Variants in HEATR1 observed in about 807,000 individuals in gnomAD.
HEATR1 encodes the protein HEAT repeat-containing protein 1.
Under a neutral mutation model 248.2 loss-of-function variants are expected in HEATR1, and 77 were observed. That is an observed-to-expected ratio of 0.31 (90% CI 0.26 to 0.37). HEATR1 has a LOEUF of 0.37. HEATR1 is among the 10% of genes least tolerant of loss of function. HEATR1 has a pLI of 1.00. For missense variants in HEATR1, 2,420 were observed against 2,504.9 expected, an observed-to-expected ratio of 0.97 and a Z score of 0.72; for synonymous variants, 897 against 923.1, an observed-to-expected ratio of 0.97 and a Z score of 0.51.
chr1:236,565,371 G>C (rs1420264414), intron 31 of HEATR1, among the ~76,000 whole-genome samples: 3 of 152,162 alleles, frequency 2.0e-5, no homozygotes, highest in African/African-American at 7.2e-5. Flanking sequence ...TGCTCAGGCT[G>C]GTCTTGAACT....
rs779807888 is a variant in HEATR1 at position 236,571,491 on chromosome 1, CA to C, written c.3827-20del. 12 of 1,613,224 alleles carry C rather than the reference CA, an allele frequency of 7.4e-6. No homozygotes were observed. The East Asian group carries it at 2.7e-4, about 36-fold the overall frequency. On this transcript the variant is annotated intron_variant, in intron 27 of 44. Coordinates refer to ENST00000366582, the MANE Select transcript of HEATR1 (RefSeq NM_018072.6). ...AAAATATCTACAATGGTGAGAAAGA[CA>C]AAAACCCTAAGTGGCAGGTACACTC... is the stretch of plus-strand genomic sequence containing the variant.
Position 236,604,405 on chromosome 1 carries a change from G to A in HEATR1, c.-33+17C>T. ...GCCCCCATCCGCAGCCACATCAAGC[G>A]GCTCTGTGCCGCTTACCTGGAACTG... On this transcript the variant is annotated intron_variant, in intron 1 of 44. Coordinates refer to ENST00000366582, the MANE Select transcript of HEATR1 (RefSeq NM_018072.6). 1 of 262,514 alleles carries A rather than the reference G, an allele frequency of 3.8e-6. No individual in the cohort carries two copies. Among genetic ancestry groups the A allele is most frequent in the Non-Finnish European group, 7.1e-6 (1 of 141,294 alleles). The allele number at this position is 262,514 out of a possible 1,614,324, so 16.3% of individuals were successfully genotyped here.
chr1:236,590,929 A>G lies in HEATR1; in HGVS notation c.1448T>C (p.Leu483Ser). ...YQFLADSDTS[L>S]MLSLNHPLAP... is the part of the protein sequence containing the mutation. ...AAGTGGATGATTCAGGCTGAGCATC[A>G]AAGAAGTATCAGAATCTGCTAAAAA... is the stretch of plus-strand genomic sequence containing the variant. The change falls in exon 12 of 45, where the codon TTG becomes TCG. Residue 483 changes from leucine (L) to serine (S), a missense_variant. Physicochemically the swap from Leu to Ser is moderately radical, Grantham distance 145. Transcript: ENST00000366582. 6.7e-7 allele frequency: 1 copy of G among 1,502,038 alleles called. No individual in the cohort carries two copies. The highest frequency in any genetic ancestry group is 9.0e-7 in the Non-Finnish European group (1 of 1,115,728). 93.0% of individuals were successfully genotyped at this position (1,502,038 alleles called of 1,614,324 possible). A position where few individuals can be genotyped will look rare whatever the true frequency, so the allele number is the denominator to read the frequency against.
intron 3 of HEATR1, 92 bp from the exon 4 acceptor site, chr1:236,599,716 T>C: frequency 5.2e-6 from 6 of 1,164,268 alleles, no homozygotes; most frequent in Non-Finnish European, 7.2e-6. Context: ...ATTAATAAGC[T>C]AAAACAACCT....
intron 13 of HEATR1, 85 bp from the exon 14 acceptor site, chr1:236,587,575 G>A: frequency 1.9e-6 from 1 of 520,820 alleles, no homozygotes; most frequent in Non-Finnish European, 3.2e-6. Context: ...TAAAAAGAAT[G>A]AATTATAAGG....
intron 8 of HEATR1, 55 bp from the exon 9 acceptor site, chr1:236,594,169 A>G: frequency 1.8e-6 from 2 of 1,125,622 alleles, no homozygotes; most frequent in East Asian, 2.4e-5. Flanking sequence ...GCAAGCTAAC[A>G]TTATTAAATT....
intron 36 of HEATR1, among the ~76,000 whole-genome samples, 192 bp downstream of exon 36, chr1:236,558,045 C>A (rs1663022584): frequency 6.6e-6 from 1 of 152,128 alleles, no homozygotes. Context: ...CTCAAACGAT[C>A]TCCCTGCCTT....
At chr1:236,571,534 A>G (rs1663426575) in intron 27 of HEATR1, 34 bp downstream of exon 27, 6 of 1,613,210 alleles carry the variant, frequency 3.7e-6, no homozygotes, top group Non-Finnish European at 5.1e-6. Flanking sequence ...AAAGTAGATA[A>G]TTTTTCTAAC....
chr1:236,560,401 G>A (rs1001897485), intron 33 of HEATR1, among the ~76,000 whole-genome samples: 7 of 152,078 alleles, frequency 4.6e-5, no homozygotes, highest in African/African-American at 1.7e-4. Flanking sequence ...TTCCAACACA[G>A]CTGCCACTGG....
intron 5 of HEATR1, among the ~76,000 whole-genome samples, chr1:236,597,315 T>C (rs1468374723): frequency 6.6e-6 from 1 of 150,792 alleles, no homozygotes; most frequent in Non-Finnish European, 1.5e-5. Flanking sequence ...TACAGTGGCA[T>C]GATCTTGGGT....
intron 9 of HEATR1, among the ~76,000 whole-genome samples, chr1:236,593,040 CA>C (rs1323686875): frequency 1.3e-5 from 2 of 152,022 alleles, no homozygotes; most frequent in Non-Finnish European, 2.9e-5. Flanking sequence ...ACTAAATATA[CA>C]AAATTAGCTG....
At chr1:236,561,087 G>A (rs1663118352) in intron 33 of HEATR1, 138 bp downstream of exon 33, 2 of 669,952 alleles carry the variant, frequency 3.0e-6, no homozygotes, top group African/African-American at 1.8e-5. Flanking sequence ...GAACGCTAAG[G>A]CAAATGTGGC....
chr1:236,589,878 A>G (rs1391350341), intron 12 of HEATR1, among the ~76,000 whole-genome samples: 1 of 152,242 alleles, frequency 6.6e-6, no homozygotes, highest in African/African-American at 2.4e-5. Context: ...GGCTATGTAA[A>G]AAAATAATGA....
At position 236,584,896 on chromosome 1, in the gene HEATR1, T is replaced by G. The variant is rs1663843026; in HGVS notation, c.2241+129A>C. On this transcript the variant is annotated intron_variant, in intron 17 of 44. Coordinates refer to ENST00000366582, the MANE Select transcript of HEATR1 (RefSeq NM_018072.6). ...CTATCTCACTGCTACCCAAGACTGC[T>G]TCACATTTCATCCAGCTACTATCCA... The G allele has an allele frequency of 3.2e-5, 24 of 747,796 alleles. No homozygotes were observed. The South Asian group carries it at 5.1e-4, about 16-fold the overall frequency. 46.3% of individuals were successfully genotyped at this position (747,796 alleles called of 1,614,324 possible). A position where few individuals can be genotyped will look rare whatever the true frequency, so the allele number is the denominator to read the frequency against.
Position 236,581,384 on chromosome 1 carries a change from T to C in HEATR1, c.2593A>G (p.Lys865Glu). The C allele has an allele frequency of 6.5e-7, 1 of 1,550,148 alleles. No homozygotes were observed. The highest frequency in any genetic ancestry group is 8.7e-7 in the Non-Finnish European group (1 of 1,155,686). ...VHLEDVFQLF[K>E]FCSVLWTYGS... The stretch of plus-strand genomic sequence containing the variant: ...TAGGTCCATAAAACAGAACAGAACT[T>C]GAATAACTGAAAAACATCTTCTAGA... Residue 865 changes from lysine (K) to glutamate (E), a missense_variant, in exon 20 of 45, where the codon AAG (lysine) becomes GAG (glutamate). Transcript: ENST00000366582.
Position 236,571,457 on chromosome 1 carries a change from T to C in HEATR1, c.3842A>G (p.Glu1281Gly), listed in dbSNP as rs756429013. 6.2e-7 allele frequency: 1 copy of C among 1,613,966 alleles called. No homozygotes were observed. Among genetic ancestry groups the C allele is most frequent in the Non-Finnish European group, 8.5e-7 (1 of 1,179,984 alleles). Residue 1281 changes from glutamate to glycine, a missense_variant, in exon 28 of 45, where the codon GAG (glutamate) becomes GGG (glycine). Transcript: ENST00000366582. ...GKIPKDILDE[E>G]KFNVELIVQC... Reference sequence around the variant, plus strand: ...AACTATCAACTCCACGTTGAACTTCTCCTCATCTAAAATATCTACAATGGT... The same window carrying C: ...AACTATCAACTCCACGTTGAACTTCCCCTCATCTAAAATATCTACAATGGT...
In HEATR1 at chr1:236,592,628, A is replaced by T. The variant is rs1002088341; in HGVS notation, c.1199T>A (p.Leu400Gln). Residue 400 changes from leucine to glutamine, a missense_variant, in exon 10 of 45, where the codon CTA (leucine) becomes CAA (glutamine). Leu to Gln is a moderately radical substitution (Grantham distance 113, BLOSUM62 -2). Transcript: ENST00000366582. ...ACTATATGAAATATACTCTTCAAAT[A>T]GAAGGCTGTAAAAAAAAAAACAGAA... Reference protein sequence around the residue: ...NNLDHLLASLLFEEYISYSSQ... With the variant: ...NNLDHLLASLQFEEYISYSSQ... 4 of 1,272,668 alleles carry T rather than the reference A, an allele frequency of 3.1e-6. No homozygotes were observed. In the African/African-American group the frequency reaches 6.3e-5, roughly 20 times the overall value. 78.8% of individuals were successfully genotyped at this position (1,272,668 alleles called of 1,614,324 possible).
chr1:236,571,292 T>C, intron 28 of HEATR1, 59 bp downstream of exon 28: 1 of 1,538,962 alleles, frequency 6.5e-7, no homozygotes, highest in Non-Finnish European at 8.7e-7. Flanking sequence ...TGCCAGTGCA[T>C]TTCTGTGGAA....
Position 236,585,128 on chromosome 1 carries a change from G to A in HEATR1, c.2138C>T (p.Ser713Phe). ...GGTTTCTTTTAAAGATGAACAACAAGAGACGAGCACAGACAGGATCACATG... is the reference window on the plus strand; with the variant it reads ...GGTTTCTTTTAAAGATGAACAACAAAAGACGAGCACAGACAGGATCACATG... ...TFHVILSVLV[S>F]CCSSLKETHF... The change falls in exon 17 of 45, where the codon TCT becomes TTT. Residue 713 changes from serine (S) to phenylalanine (F), a missense_variant. Transcript: ENST00000366582. 1 of 1,614,032 alleles carries A rather than the reference G, an allele frequency of 6.2e-7. No homozygotes were observed. The highest frequency in any genetic ancestry group is 8.5e-7 in the Non-Finnish European group (1 of 1,179,942).
Sources: gnomAD v4.1 joint callset for allele counts (sites outside exome capture counted in the v4.1 genomes callset) on GRCh38, gnomAD v4.1.1 for gene constraint, MANE v1.5 for transcripts, NCBI Gene and HGNC (gene_info 2026-07-23, HGNC 2026-07-21) for gene names.